LHFPL2: variants seen among roughly 807,000 people sequenced by gnomAD.
LHFPL2 encodes the protein LHFPL tetraspan subfamily member 2 protein.
LHFPL2 carries 7 observed loss-of-function variants against 17.5 expected under a neutral mutation model. The ratio of observed to expected loss-of-function variants is 0.40; its 90% CI spans 0.23 to 0.75. LHFPL2 has a LOEUF of 0.75. Ranked by LOEUF, LHFPL2 falls within the 30% of genes least tolerant of loss-of-function variation. The probability of loss-of-function intolerance (pLI) is 0.37; values close to 1 mark genes in which losing one functional copy is unlikely to be tolerated. For synonymous variants in LHFPL2, 134 were observed against 116.2 expected, an observed-to-expected ratio of 1.15 and a Z score of -0.99; for missense variants, 241 against 294.8, an observed-to-expected ratio of 0.82 and a Z score of 1.34.
intron 4 of LHFPL2, among the ~76,000 whole-genome samples, chr5:78,508,268 A>G (rs1042936391): frequency 6.6e-6 from 1 of 152,234 alleles, no homozygotes; most frequent in African/African-American, 2.4e-5. Flanking sequence ...ACTGCTAATG[A>G]GGAGCAATGC....
intron 2 of LHFPL2, among the ~76,000 whole-genome samples, chr5:78,617,441 G>A (rs985168199): frequency 6.6e-6 from 1 of 152,102 alleles, no homozygotes; most frequent in Non-Finnish European, 1.5e-5. Flanking sequence ...CACCAGCTCA[G>A]CCTAATGGAT....
At chr5:78,576,375 A>ACGG (rs1336549711) in intron 2 of LHFPL2, among the ~76,000 whole-genome samples, 1 of 152,254 alleles carries the variant, frequency 6.6e-6, no homozygotes, top group East Asian at 1.9e-4. Flanking sequence ...CCCACGAAAA[A>ACGG]GTAAATAAAT....
intron 2 of LHFPL2, among the ~76,000 whole-genome samples, chr5:78,575,821 T>C (rs1580821384): frequency 2.6e-5 from 4 of 152,278 alleles, no homozygotes; most frequent in Admixed American, 2.6e-4. Context: ...TCTGGAAAAG[T>C]CTTCATCCTG....
In LHFPL2 at chr5:78,489,136, C is replaced by T. The variant is rs35585115; in HGVS notation, c.448G>A (p.Gly150Ser). The T allele has an allele frequency of 2.7e-5, 44 of 1,613,968 alleles. No individual in the cohort carries two copies. Among genetic ancestry groups the T allele is most frequent in the Admixed American group, 1.7e-5 (1 of 59,986 alleles). The change falls in exon 5 of 5, where the codon GGT becomes AGT. Residue 150 changes from glycine to serine, a missense_variant. By Grantham distance (56) the Gly-to-Ser change is moderately conservative (BLOSUM62 0). Transcript: ENST00000380345. ...QGIAGLFLIL[G>S]LILYPAGWGC... ...CAGCCAGCAGGGTAGAGTATCAAACCGAGGATAAGGAATAGACCTGCAGAA... is the reference window on the plus strand; with the variant it reads ...CAGCCAGCAGGGTAGAGTATCAAACTGAGGATAAGGAATAGACCTGCAGAA...
At chr5:78,644,486 A>G in intron 1 of LHFPL2, 1 of 609,752 alleles carries the variant, frequency 1.6e-6, no homozygotes, top group Non-Finnish European at 3.0e-6. Flanking sequence ...CAACTCACCA[A>G]TGGTAGGCCG....
intron 2 of LHFPL2, among the ~76,000 whole-genome samples, chr5:78,612,532 T>C (rs893652865): frequency 1.3e-4 from 20 of 152,246 alleles, no homozygotes; most frequent in African/African-American, 4.6e-4. Flanking sequence ...GCATGAAAAC[T>C]TGGCTCAGTT....
chr5:78,567,997 AGT>A (rs71613970), intron 2 of LHFPL2, among the ~76,000 whole-genome samples: 50,920 of 151,970 alleles, frequency 0.34, 10,257 homozygotes, highest in Non-Finnish European at 0.47. Flanking sequence ...CAGTGTAAAG[AGT>A]GTGTTTCCTC....
chr5:78,584,075 C>G (rs1367428255), intron 2 of LHFPL2, among the ~76,000 whole-genome samples: 15 of 151,692 alleles, frequency 9.9e-5, no homozygotes, highest in African/African-American at 2.7e-4. Context: ...TTGATCGCAT[C>G]GGCTCCTGAG....
At chr5:78,545,936 A>T (rs538956527) in intron 3 of LHFPL2, among the ~76,000 whole-genome samples, 1 of 152,340 alleles carries the variant, frequency 6.6e-6, no homozygotes, top group Non-Finnish European at 1.5e-5. Context: ...AGGCCATGAT[A>T]CAGAGGCTGA....
chr5:78,489,301 TCTGAC>T, intron 4 of LHFPL2, 148 bp from the exon 5 acceptor site: 2 of 780,096 alleles, frequency 2.6e-6, no homozygotes, highest in Non-Finnish European at 4.0e-6. Flanking sequence ...TGCAAACTAA[TCTGAC>T]CTGATCAAGA....
chr5:78,626,716 C>T (rs12651937), intron 2 of LHFPL2: 46,872 of 152,000 alleles, frequency 0.31, 7,386 homozygotes, highest in Non-Finnish European at 0.34. Flanking sequence ...ATTAAATGTA[C>T]TTAACAGTGG....
At chr5:78,561,830 T>G (rs906827121) in intron 3 of LHFPL2, among the ~76,000 whole-genome samples, 1 of 152,194 alleles carries the variant, frequency 6.6e-6, no homozygotes, top group African/African-American at 2.4e-5. Context: ...TTCACCTAAT[T>G]ATAAGTGGTT....
intron 2 of LHFPL2, among the ~76,000 whole-genome samples, chr5:78,577,423 C>G (rs1379529624): frequency 1.3e-5 from 2 of 152,160 alleles, no homozygotes; most frequent in Non-Finnish European, 2.9e-5. Context: ...ATTTTATTTC[C>G]TTCAGAGTCA....
At chr5:78,546,754 G>T (rs1256302207) in intron 3 of LHFPL2, among the ~76,000 whole-genome samples, 1 of 152,132 alleles carries the variant, frequency 6.6e-6, no homozygotes, top group Admixed American at 6.5e-5. Flanking sequence ...ATGACATAGT[G>T]GTCACACAGA....
intron 4 of LHFPL2, among the ~76,000 whole-genome samples, chr5:78,502,834 G>A (rs1183587641): frequency 6.6e-6 from 1 of 152,188 alleles, no homozygotes; most frequent in East Asian, 1.9e-4. Flanking sequence ...CTACGTCCCT[G>A]AACGTGGCCT....
rs1028662811 is a variant in LHFPL2, at chr5:78,598,106, T to A, written c.-244-33235A>T. Among the ~76,000 whole-genome samples, 7 of 152,200 alleles carry A rather than the reference T, an allele frequency of 4.6e-5. No homozygotes were observed. In the East Asian group the frequency reaches 5.8e-4, roughly 13 times the overall value. On this transcript the variant is annotated intron_variant, in intron 2 of 4. Transcript: ENST00000380345. ...GGTTAAGGCCTGGGTTCCCACCCCA[T>A]GTGTCAAGATGATCTGGAGAGCCAC...
At chr5:78,561,818 C>T (rs140602005) in intron 3 of LHFPL2, among the ~76,000 whole-genome samples, 86 of 152,276 alleles carry the variant, frequency 5.6e-4, no homozygotes, top group Middle Eastern at 3.4e-3. Context: ...TGCTCGAGGA[C>T]ATTCACCTAA....
chr5:78,602,707 A>AC (rs1447051112), intron 2 of LHFPL2, among the ~76,000 whole-genome samples: 1 of 152,060 alleles, frequency 6.6e-6, no homozygotes, highest in African/African-American at 2.4e-5. Context: ...TGGGGAAACA[A>AC]CCTGCCAATG....
intron 2 of LHFPL2, among the ~76,000 whole-genome samples, chr5:78,608,306 T>G (rs1181120345): frequency 6.6e-6 from 1 of 152,250 alleles, no homozygotes; most frequent in Non-Finnish European, 1.5e-5. Flanking sequence ...CAGTATTTGC[T>G]ACTTTCACTG....
Sources: allele counts gnomAD v4.1 joint callset (sites outside exome capture counted in the v4.1 genomes callset), GRCh38; gene constraint gnomAD v4.1.1; transcripts MANE v1.5; gene names NCBI Gene and HGNC (gene_info 2026-07-23, HGNC 2026-07-21).